FOXP2: variants seen among roughly 807,000 people sequenced by gnomAD.
FOXP2 encodes the protein forkhead box P2, also known as forkhead box protein P2.
FOXP2 carries 12 observed loss-of-function variants against 115.8 expected under a neutral mutation model. That is an observed-to-expected ratio of 0.10 (90% CI 0.07 to 0.17). The LOEUF (loss-of-function observed/expected upper bound fraction) is 0.17. Ranked by LOEUF, FOXP2 falls within the 10% of genes least tolerant of loss-of-function variation. The pLI, the probability that FOXP2 is intolerant of heterozygous loss-of-function variation, is 1.00. For missense variants in FOXP2, 629 were observed against 843.5 expected (o/e 0.75, Z 3.15); for synonymous variants, 328 against 297.7 (o/e 1.10, Z -1.05).
chr7:114,305,368 C>G (rs936446351), intron 2 of FOXP2, among the ~76,000 whole-genome samples: 18 of 152,204 alleles, frequency 1.2e-4, no homozygotes, highest in Admixed American at 1.0e-3. Flanking sequence ...CTCCTTATAA[C>G]AGTAGTTTTC....
At chr7:114,105,859 G>A (rs1045758289) in intron 1 of FOXP2, among the ~76,000 whole-genome samples, 1 of 152,082 alleles carries the variant, frequency 6.6e-6, no homozygotes, top group Non-Finnish European at 1.5e-5. Flanking sequence ...AAAGCCCAGA[G>A]TAAGTGAGTC....
rs1348579812 is a variant in FOXP2 at position 114,468,274 on chromosome 7, C to T, written c.168+41595C>T. On this transcript the variant is annotated intron_variant, in intron 2 of 16. Coordinates refer to ENST00000350908, the MANE Select transcript of FOXP2 (RefSeq NM_014491.4). ...TTTCTCAGTTACTTTAAAGTTTGCCCGTATCTATTCAATCCAGGACCAAAT... is the reference window on the plus strand; with the variant it reads ...TTTCTCAGTTACTTTAAAGTTTGCCTGTATCTATTCAATCCAGGACCAAAT... 5.9e-5 allele frequency among the ~76,000 whole-genome samples: 9 copies of T among 151,884 alleles called. No homozygotes were observed. In the South Asian group the frequency reaches 1.0e-3, roughly 18 times the overall value.
At chr7:114,094,881 A>G (rs1396001441) in intron 1 of FOXP2, among the ~76,000 whole-genome samples, 1 of 152,078 alleles carries the variant, frequency 6.6e-6, no homozygotes, top group East Asian at 1.9e-4. Context: ...GTTGGGAAAA[A>G]AAACCCACAA....
chr7:114,172,040 CTT>C lies in FOXP2; in HGVS notation c.-102+8954_-102+8955del, dbSNP rs151224178. Among the ~76,000 whole-genome samples the C allele has an allele frequency of 6.0e-4, 92 of 152,282 alleles. No homozygotes were observed. The East Asian group carries it at 0.016, about 27-fold the overall frequency. Reference sequence around the variant, plus strand: ...GAATTGCTGCAATCTCATGATAAAACTTTAATAAGTGAGGAATTGCTTCCTAA... The same window carrying C: ...GAATTGCTGCAATCTCATGATAAAACTAATAAGTGAGGAATTGCTTCCTAA... On this transcript the variant is annotated intron_variant, in intron 1 of 17. Coordinates refer to the FOXP2 transcript ENST00000634411.
chr7:114,146,825 T>C (rs1031573913), intron 1 of FOXP2, among the ~76,000 whole-genome samples: 1 of 152,166 alleles, frequency 6.6e-6, no homozygotes, highest in Non-Finnish European at 1.5e-5. Flanking sequence ...CCTACAGTTA[T>C]GAAACCTCTG....
At position 114,210,972 on chromosome 7, in the gene FOXP2, C is replaced by G. The variant is rs141729425; in HGVS notation, c.-102+47884C>G. On this transcript the variant is annotated intron_variant, in intron 1 of 17. Coordinates refer to the FOXP2 transcript ENST00000634411. ...TGTGGGGTCCCTTCCTTCTCCAGAC[C>G]CTTTGAATTTTCCAAAGCCAGCAGG... Among the ~76,000 whole-genome samples the G allele has an allele frequency of 1.3e-4, 20 of 151,840 alleles. No individual in the cohort carries two copies. The East Asian group carries it at 3.7e-3, about 28-fold the overall frequency.
chr7:114,585,131 C>T lies in FOXP2; in HGVS notation c.259-43409C>T, dbSNP rs545708750. Among the ~76,000 whole-genome samples, 34 of 152,140 alleles carry T rather than the reference C, an allele frequency of 2.2e-4. No individual in the cohort carries two copies. The East Asian group carries it at 3.3e-3, about 15-fold the overall frequency. ...TCAAATGGTAGTTTATCCTTACTAACGAAGAAAAGTTTCTGAAGTATGTAA... is the reference window on the plus strand; with the variant it reads ...TCAAATGGTAGTTTATCCTTACTAATGAAGAAAAGTTTCTGAAGTATGTAA... On this transcript the variant is annotated intron_variant, in intron 3 of 16. Transcript: ENST00000350908.
At position 114,454,146 on chromosome 7, in the gene FOXP2, T is replaced by C. The variant is rs1359679431; in HGVS notation, c.168+27467T>C. Among the ~76,000 whole-genome samples, 205 of 150,728 alleles carry C rather than the reference T, an allele frequency of 1.4e-3. 1 individual carries two copies. The highest frequency in any genetic ancestry group is 3.4e-3 in the Admixed American group (51 of 15,198). The stretch of plus-strand genomic sequence containing the variant: ...TGACAAAGGGCTAATATCCAGAATC[T>C]ACAATGAACTCAAACAAATTTACAA... On this transcript the variant is annotated intron_variant, in intron 2 of 16. Transcript: ENST00000350908.
intron 2 of FOXP2, among the ~76,000 whole-genome samples, chr7:114,426,956 A>G (rs767740258): frequency 6.6e-6 from 1 of 151,644 alleles, no homozygotes; most frequent in Non-Finnish European, 1.5e-5. Context: ...CAAATATTTT[A>G]TAGCTTCTAG....
rs533294682 is a variant in FOXP2 at position 114,600,973 on chromosome 7, T to A, written c.259-27567T>A. Among the ~76,000 whole-genome samples the A allele has an allele frequency of 2.6e-3, 382 of 148,640 alleles. 1 individual carries two copies. The highest frequency in any genetic ancestry group is 9.1e-3 in the African/African-American group (363 of 39,878). ...TTGTCAGTATCTTTTTTTTTTTTTT[T>A]AATTTTTTGAAACAGAGTCTCATTC... On this transcript the variant is annotated intron_variant, in intron 3 of 16. Coordinates refer to ENST00000350908, the MANE Select transcript of FOXP2 (RefSeq NM_014491.4).
intron 1 of FOXP2, among the ~76,000 whole-genome samples, chr7:114,204,027 A>G (rs1266208473): frequency 6.6e-6 from 1 of 152,072 alleles, no homozygotes; most frequent in Non-Finnish European, 1.5e-5. Context: ...TTCATTTCCT[A>G]GCAGAAGTAT....
intron 1 of FOXP2, among the ~76,000 whole-genome samples, chr7:114,097,339 A>G (rs1019250196): frequency 3.3e-5 from 5 of 152,062 alleles, no homozygotes; most frequent in Non-Finnish European, 7.4e-5. Flanking sequence ...TTATGTCTCT[A>G]TAGTTTCGTC....
chr7:114,602,303 C>G (rs537093648), intron 3 of FOXP2, among the ~76,000 whole-genome samples: 1 of 152,064 alleles, frequency 6.6e-6, no homozygotes, highest in African/African-American at 2.4e-5. Flanking sequence ...CACCAGCTGT[C>G]TTTTGCTTAC....
intron 16 of FOXP2, among the ~76,000 whole-genome samples, chr7:114,688,641 G>A (rs1585031203): frequency 1.3e-5 from 2 of 152,104 alleles, no homozygotes; most frequent in African/African-American, 4.8e-5. Flanking sequence ...ATCATGTTAA[G>A]CCTTGTTTGT....
intron 8 of FOXP2, among the ~76,000 whole-genome samples, chr7:114,648,061 G>A (rs1422435035): frequency 6.6e-6 from 1 of 151,974 alleles, no homozygotes. Context: ...TATATGAAGA[G>A]CAATAGAAAA....
intron 3 of FOXP2, among the ~76,000 whole-genome samples, chr7:114,550,480 CTCTT>C (rs1243691623): frequency 1.3e-5 from 2 of 152,172 alleles, no homozygotes; most frequent in Non-Finnish European, 2.9e-5. Context: ...TTTTCTCTCT[CTCTT>C]TCTTTCTTTC....
Position 114,554,630 on chromosome 7 carries a change from T to A in FOXP2, c.258+19924T>A, listed in dbSNP as rs973213330. ...TACTATTTTCTTTTATTGTGGTAGG[T>A]AGTGATTACAATGATAGCTTTTGAT... On this transcript the variant is annotated intron_variant, in intron 3 of 16. Coordinates refer to ENST00000350908, the MANE Select transcript of FOXP2 (RefSeq NM_014491.4). Among the ~76,000 whole-genome samples, 6 of 152,258 alleles carry A rather than the reference T, an allele frequency of 3.9e-5. No homozygotes were observed. The East Asian group carries it at 1.2e-3, about 29-fold the overall frequency.
At chr7:114,401,430 T>C (rs1390719631) in intron 2 of FOXP2, among the ~76,000 whole-genome samples, 1 of 152,194 alleles carries the variant, frequency 6.6e-6, no homozygotes, top group Admixed American at 6.5e-5. Flanking sequence ...CTTGTCTTTT[T>C]CCCCTTCCTT....
At chr7:114,380,843 C>T (rs1792271623) in intron 2 of FOXP2, among the ~76,000 whole-genome samples, 1 of 152,222 alleles carries the variant, frequency 6.6e-6, no homozygotes, top group Admixed American at 6.5e-5. Context: ...AACCCTTTGC[C>T]ACTACATCTA....
Sources: allele counts gnomAD v4.1 joint callset (sites outside exome capture counted in the v4.1 genomes callset), GRCh38; gene constraint gnomAD v4.1.1; transcripts MANE v1.5; gene names NCBI Gene and HGNC (gene_info 2026-07-23, HGNC 2026-07-21).